KCNN2: variants seen among roughly 807,000 people sequenced by gnomAD.
The protein encoded by KCNN2 is potassium calcium-activated channel subfamily N member 2.
A neutral mutation model predicts 55.5 loss-of-function variants in KCNN2; 24 were observed. That is an observed-to-expected ratio of 0.43 (90% CI 0.31 to 0.61). The LOEUF (loss-of-function observed/expected upper bound fraction) is 0.61. KCNN2 is among the 20% of genes least tolerant of loss of function. The probability of loss-of-function intolerance (pLI) is 0.08; values close to 1 mark genes in which losing one functional copy is unlikely to be tolerated. For missense variants in KCNN2, 754 were observed against 853.6 expected (o/e 0.88, Z 1.45); for synonymous variants, 431 against 336.1 (o/e 1.28, Z -3.09).
intron 3 of KCNN2, among the ~76,000 whole-genome samples, chr5:114,449,894 ACACACACACACACACG>A (rs1239315399): frequency 4.7e-5 from 4 of 84,612 alleles, no homozygotes; most frequent in Non-Finnish European, 1.1e-4. Flanking sequence ...ACACACACAC[ACACACACACACACACG>A]CGCGCGCTCG....
At chr5:114,152,829 G>A (rs1027978328) in intron 1 of KCNN2, among the ~76,000 whole-genome samples, 3 of 152,100 alleles carry the variant, frequency 2.0e-5, no homozygotes, top group African/African-American at 7.2e-5. Context: ...GCATATGGTG[G>A]GCGGGAGCAT....
At chr5:114,380,460 C>G (rs535512964) in intron 2 of KCNN2, among the ~76,000 whole-genome samples, 2 of 152,108 alleles carry the variant, frequency 1.3e-5, no homozygotes, top group African/African-American at 2.4e-5. Flanking sequence ...AGAAAGGGAT[C>G]GTGATTCAAT....
In KCNN2 at chr5:114,209,534, A is replaced by C. The variant is rs973649010; in HGVS notation, c.-270-11946A>C. Reference sequence around the variant, plus strand: ...GGTTTGTGGACTGCTGTTGTATTTCATGTGTATCAACAGGACACATGTAAT... The same window carrying C: ...GGTTTGTGGACTGCTGTTGTATTTCCTGTGTATCAACAGGACACATGTAAT... On this transcript the variant is annotated intron_variant, in intron 1 of 10. Coordinates refer to the KCNN2 transcript ENST00000512097. Among the ~76,000 whole-genome samples the C allele has an allele frequency of 5.9e-5, 9 of 152,242 alleles. No individual in the cohort carries two copies. In the East Asian group the frequency reaches 1.7e-3, roughly 30 times the overall value.
chr5:114,228,539 A>G (rs1754288224), intron 2 of KCNN2, among the ~76,000 whole-genome samples: 1 of 152,226 alleles, frequency 6.6e-6, no homozygotes, highest in East Asian at 1.9e-4. Context: ...AAAATGCAGT[A>G]ATATCAGTAA....
chr5:114,392,971 T>TG (rs896556031), intron 2 of KCNN2, among the ~76,000 whole-genome samples: 1 of 152,078 alleles, frequency 6.6e-6, no homozygotes, highest in African/African-American at 2.4e-5. Flanking sequence ...TTCCTTGTCA[T>TG]GGGTTATGTG....
chr5:114,222,669 C>A (rs1248616224), intron 2 of KCNN2, among the ~76,000 whole-genome samples: 1 of 151,990 alleles, frequency 6.6e-6, no homozygotes, highest in Non-Finnish European at 1.5e-5. Context: ...GAATCATATC[C>A]CTTGTTTGTT....
intron 1 of KCNN2, among the ~76,000 whole-genome samples, chr5:114,139,447 A>T (rs1158314689): frequency 7.2e-6 from 1 of 138,628 alleles, no homozygotes; most frequent in East Asian, 2.0e-4. Flanking sequence ...AGGAACACAC[A>T]CTCACACAAC....
At chr5:114,358,975 T>G (rs994048854), upstream of KCNN2, among the ~76,000 whole-genome samples, 3 of 152,240 alleles carry the variant, frequency 2.0e-5, no homozygotes, top group African/African-American at 7.2e-5. Flanking sequence ...GAAGTTATGA[T>G]TCAGACTAAA....
intron 2 of KCNN2, among the ~76,000 whole-genome samples, chr5:114,379,456 T>A (rs528088257): frequency 8.1e-6 from 1 of 124,216 alleles, no homozygotes; most frequent in African/African-American, 2.7e-5. Flanking sequence ...TTATAGAATA[T>A]ATTATATAAC....
chr5:114,467,231 A>G (rs150715882), intron 4 of KCNN2, among the ~76,000 whole-genome samples: 330 of 152,334 alleles, frequency 2.2e-3, no homozygotes, highest in Non-Finnish European at 3.5e-3. Context: ...CTCATAAAAA[A>G]GAAGTGATTG....
At chr5:114,285,170 G>T (rs963607611) in intron 2 of KCNN2, among the ~76,000 whole-genome samples, 4 of 150,652 alleles carry the variant, frequency 2.7e-5, no homozygotes, top group Admixed American at 2.0e-4. Flanking sequence ...TGTAGTCCCA[G>T]CTACTGGGGA....
intron 1 of KCNN2, among the ~76,000 whole-genome samples, chr5:114,098,867 GA>G (rs1285561128): frequency 2.0e-5 from 3 of 152,102 alleles, no homozygotes; most frequent in Non-Finnish European, 4.4e-5. Context: ...CCACAGGGGT[GA>G]ATCTAGGGCT....
intron 1 of KCNN2, among the ~76,000 whole-genome samples, chr5:114,073,254 C>A (rs1750615497): frequency 6.6e-6 from 1 of 152,142 alleles, no homozygotes; most frequent in Admixed American, 6.5e-5. Flanking sequence ...TGATGCCGAC[C>A]CACAGATAAT....
chr5:114,094,290 G>C (rs1422192285), intron 1 of KCNN2, among the ~76,000 whole-genome samples: 1 of 152,030 alleles, frequency 6.6e-6, no homozygotes, highest in Non-Finnish European at 1.5e-5. Flanking sequence ...GCACAGAATA[G>C]ATTATCTGTA....
Position 114,268,941 on chromosome 5 carries a change from G to A in KCNN2, c.-185+47376G>A, listed in dbSNP as rs990757917. On this transcript the variant is annotated intron_variant, in intron 2 of 10. Coordinates refer to the KCNN2 transcript ENST00000512097. ...AGGTCTCCCAGCCATCTGTCTCGGGGGTGGGGGGGTTCTCTGAGGATCCTG... is the reference window on the plus strand; with the variant it reads ...AGGTCTCCCAGCCATCTGTCTCGGGAGTGGGGGGGTTCTCTGAGGATCCTG... 4.6e-5 allele frequency among the ~76,000 whole-genome samples: 7 copies of A among 151,850 alleles called. No homozygotes were observed. The South Asian group carries it at 1.5e-3, about 32-fold the overall frequency.
chr5:114,294,638 G>A (rs1223765802), intron 2 of KCNN2, among the ~76,000 whole-genome samples: 2 of 152,202 alleles, frequency 1.3e-5, no homozygotes, highest in African/African-American at 2.4e-5. Flanking sequence ...TGGAATAGGT[G>A]TGGTGTGGTG....
intron 1 of KCNN2, among the ~76,000 whole-genome samples, chr5:114,157,903 G>T (rs1010724976): frequency 6.6e-6 from 1 of 150,858 alleles, no homozygotes; most frequent in Non-Finnish European, 1.5e-5. Context: ...CTGGATATTA[G>T]CCCTTTGTCA....
chr5:114,463,197 G>GTCTT lies in KCNN2; in HGVS notation c.1779+9_1779+12dup. The GTCTT allele has an allele frequency of 6.2e-7, 1 of 1,606,056 alleles. No homozygotes were observed. Among genetic ancestry groups the GTCTT allele is most frequent in the Non-Finnish European group, 8.5e-7 (1 of 1,175,520 alleles). On this transcript the variant is annotated splice_region_variant and intron_variant, in intron 4 of 7. Coordinates refer to ENST00000673685, the MANE Select transcript of KCNN2 (RefSeq NM_021614.4). ...CTTACTTACTGGAATTATGGTAAGT[G>GTCTT]TCTTTATACTTCACATCTCTTTTAT... is the stretch of plus-strand genomic sequence containing the variant.
intron 5 of KCNN2, among the ~76,000 whole-genome samples, chr5:114,475,859 A>T (rs1156796491): frequency 6.7e-6 from 1 of 150,344 alleles, no homozygotes; most frequent in Non-Finnish European, 1.5e-5. Flanking sequence ...TTTTCTGATG[A>T]TGCTACAGCT....
Sources: allele counts gnomAD v4.1 joint callset (sites outside exome capture counted in the v4.1 genomes callset), GRCh38; gene constraint gnomAD v4.1.1; transcripts MANE v1.5; gene names NCBI Gene and HGNC (gene_info 2026-07-23, HGNC 2026-07-21).